DPYD: variants seen among roughly 807,000 people sequenced by gnomAD.
The protein encoded by DPYD is dihydropyrimidine dehydrogenase.
Under a neutral mutation model 116.2 loss-of-function variants are expected in DPYD, and 109 were observed. The ratio of observed to expected loss-of-function variants is 0.94; its 90% CI spans 0.80 to 1.10. DPYD has a LOEUF of 1.10. DPYD is among the 50% of genes least tolerant of loss of function. The pLI, the probability that DPYD is intolerant of heterozygous loss-of-function variation, is 0.00. For missense variants in DPYD, 1,302 were observed against 1,254.5 expected (o/e 1.04, Z -0.57); for synonymous variants, 440 against 432.0 (o/e 1.02, Z -0.23).
intron 20 of DPYD, among the ~76,000 whole-genome samples, chr1:97,100,205 G>A (rs1343567607): frequency 1.3e-5 from 2 of 151,930 alleles, no homozygotes; most frequent in Non-Finnish European, 2.9e-5. Flanking sequence ...TATAAAACAA[G>A]TCCTTATCAC....
chr1:97,753,942 G>T (rs1197713846), intron 3 of DPYD, among the ~76,000 whole-genome samples: 1 of 152,016 alleles, frequency 6.6e-6, no homozygotes, highest in Non-Finnish European at 1.5e-5. Context: ...AAGTAGCTCA[G>T]AACAAAATTG....
intron 16 of DPYD, among the ~76,000 whole-genome samples, chr1:97,366,099 A>G (rs79885351): frequency 0.013 from 1,973 of 152,274 alleles, 48 homozygotes; most frequent in African/African-American, 0.046. Flanking sequence ...ACCAACATTA[A>G]TAACTATAAT....
intron 19 of DPYD, among the ~76,000 whole-genome samples, chr1:97,205,231 G>T (rs947513301): frequency 1.3e-5 from 2 of 151,958 alleles, no homozygotes; most frequent in Non-Finnish European, 2.9e-5. Context: ...TTTGACAAAT[G>T]TATAATGACA....
At chr1:97,268,562 T>C (rs1179234148) in intron 18 of DPYD, among the ~76,000 whole-genome samples, 2 of 152,116 alleles carry the variant, frequency 1.3e-5, no homozygotes, top group Non-Finnish European at 2.9e-5. Flanking sequence ...GAATTAGCAC[T>C]ATGTGGACAC....
At chr1:97,686,435 G>C (rs1660732896) in intron 7 of DPYD, among the ~76,000 whole-genome samples, 1 of 151,332 alleles carries the variant, frequency 6.6e-6, no homozygotes, top group Non-Finnish European at 1.5e-5. Flanking sequence ...AGGAGATCGA[G>C]ACCATCCTGG....
intron 8 of DPYD, among the ~76,000 whole-genome samples, chr1:97,646,858 T>C (rs986470885): frequency 6.6e-6 from 1 of 152,044 alleles, no homozygotes; most frequent in African/African-American, 2.4e-5. Flanking sequence ...TTGTACTGGA[T>C]TACTTGAGTA....
In DPYD at chr1:97,883,323, T is replaced by C. The variant is rs768501828; in HGVS notation, c.91A>G (p.Thr31Ala). The C allele has an allele frequency of 1.2e-6, 2 of 1,613,054 alleles. No individual in the cohort carries two copies. The highest frequency in any genetic ancestry group is 1.1e-5 in the South Asian group (1 of 91,050). ...TTCTTGTCTAATTTCTTGGCCGAAG[T>C]GGAACACAGAGTTGCATGAGTTTGT... ...RTQTHATLCS[T>A]SAKKLDKKHW... The change falls in exon 2 of 23, where the codon ACT becomes GCT. Residue 31 changes from threonine to alanine, a missense_variant. Transcript: ENST00000370192.
At chr1:97,187,370 C>A (rs531834918) in intron 20 of DPYD, among the ~76,000 whole-genome samples, 1 of 152,114 alleles carries the variant, frequency 6.6e-6, no homozygotes, top group South Asian at 2.1e-4. Flanking sequence ...TGGGGTTTGT[C>A]TTCTTTTGAA....
chr1:97,709,992 G>T (rs1355319866), intron 5 of DPYD, among the ~76,000 whole-genome samples: 1 of 151,680 alleles, frequency 6.6e-6, no homozygotes, highest in Non-Finnish European at 1.5e-5. Flanking sequence ...AGGATGAATT[G>T]TAACAGTATG....
At chr1:97,606,251 CATAGATGAGTACCTACT>C (rs1430595581) in intron 8 of DPYD, among the ~76,000 whole-genome samples, 1 of 151,926 alleles carries the variant, frequency 6.6e-6, no homozygotes, top group Non-Finnish European at 1.5e-5. Flanking sequence ...GATGAAGATA[CATAGATGAGTACCTACT>C]ATGTACTAAA....
chr1:97,873,501 T>C (rs1215118132), intron 2 of DPYD, among the ~76,000 whole-genome samples: 1 of 151,974 alleles, frequency 6.6e-6, no homozygotes, highest in East Asian at 1.9e-4. Context: ...ACTTGCTGTT[T>C]CAGGGTATAC....
intron 11 of DPYD, among the ~76,000 whole-genome samples, chr1:97,561,045 C>A (rs906402221): frequency 6.6e-6 from 1 of 151,970 alleles, no homozygotes; most frequent in Non-Finnish European, 1.5e-5. Flanking sequence ...TAGGCAGGGG[C>A]CAAACCAAGG....
chr1:97,894,927 G>A (rs183548793), intron 1 of DPYD, among the ~76,000 whole-genome samples: 113 of 151,620 alleles, frequency 7.5e-4, no homozygotes, highest in African/African-American at 2.6e-3. Context: ...GAAAATACAC[G>A]TTGGAATATC....
At chr1:97,573,410 G>C (rs1436003134) in intron 11 of DPYD, among the ~76,000 whole-genome samples, 1 of 151,990 alleles carries the variant, frequency 6.6e-6, no homozygotes, top group Non-Finnish European at 1.5e-5. Context: ...AATCATTGAA[G>C]ACTGGCTGTT....
chr1:97,400,248 C>T (rs968027380), intron 14 of DPYD, among the ~76,000 whole-genome samples: 35 of 152,174 alleles, frequency 2.3e-4, no homozygotes, highest in Middle Eastern at 3.4e-3. Flanking sequence ...TGCTGGATTA[C>T]GTTTATTCAT....
intron 5 of DPYD, among the ~76,000 whole-genome samples, chr1:97,714,254 G>A (rs887900610): frequency 6.6e-6 from 1 of 151,782 alleles, no homozygotes; most frequent in African/African-American, 2.4e-5. Context: ...TCGCTCTGTC[G>A]CCAGGCTGGT....
chr1:97,238,721 C>G (rs1431463759), intron 18 of DPYD, among the ~76,000 whole-genome samples: 1 of 152,112 alleles, frequency 6.6e-6, no homozygotes, highest in Admixed American at 6.6e-5. Flanking sequence ...GAGGAAGAAG[C>G]CAGTGTGAGA....
chr1:97,283,610 C>G (rs1481429108), intron 18 of DPYD, among the ~76,000 whole-genome samples: 1 of 151,990 alleles, frequency 6.6e-6, no homozygotes, highest in Non-Finnish European at 1.5e-5. Flanking sequence ...TATTATAACT[C>G]AATTTAATAT....
chr1:97,814,259 A>G (rs1668471453), intron 3 of DPYD, among the ~76,000 whole-genome samples: 1 of 152,164 alleles, frequency 6.6e-6, no homozygotes, highest in Non-Finnish European at 1.5e-5. Flanking sequence ...GCAAGGCTGA[A>G]AGAGGTTAGA....
Sources: allele counts gnomAD v4.1 joint callset (sites outside exome capture counted in the v4.1 genomes callset), GRCh38; gene constraint gnomAD v4.1.1; transcripts MANE v1.5; gene names NCBI Gene and HGNC (gene_info 2026-07-23, HGNC 2026-07-21).